KCNQ1: variants seen among roughly 807,000 people sequenced by gnomAD.
KCNQ1 encodes the protein potassium voltage-gated channel subfamily KQT member 1.
A neutral mutation model predicts 72.4 loss-of-function variants in KCNQ1; 49 were observed. The ratio of observed to expected loss-of-function variants is 0.68; its 90% CI spans 0.54 to 0.86. The LOEUF (loss-of-function observed/expected upper bound fraction) is 0.86. Among genes scored for constraint, KCNQ1 ranks in the 40% least tolerant of loss-of-function variants. The pLI is 0.00. For synonymous variants in KCNQ1, 450 were observed against 412.6 expected (o/e 1.09, Z -1.10); for missense variants, 790 against 945.1 (o/e 0.84, Z 2.15).
rs1383035176 is a variant in KCNQ1, at chr11:2,620,211, A to ATATTTT, written c.1393+31358_1393+31359insATTTTT. On this transcript the variant is annotated intron_variant, in intron 10 of 15. Transcript: ENST00000155840. The surrounding 1 kb of genome is among the most constrained non-coding windows in gnomAD (Gnocchi z 4.5). ...TAAGTTCATTCATGTATATATATAT[A>ATATTTT]TTTTTTTTTTTTATTTTTTTTTTAG... 899 of 261,968 alleles carry ATATTTT rather than the reference A, an allele frequency of 3.4e-3. 6 individuals are homozygous for ATATTTT. The highest frequency in any genetic ancestry group is 0.019 in the African/African-American group (728 of 38,098). The allele number at this position is 261,968 out of a possible 1,614,324, so 16.2% of individuals were successfully genotyped here.
At chr11:2,587,799 C>G (rs1424408797) in intron 9 of KCNQ1, 107 bp downstream of exon 9, 14 of 1,465,488 alleles carry the variant, frequency 9.6e-6, no homozygotes, top group Non-Finnish European at 1.3e-5. Flanking sequence ...TGGCTTGGTA[C>G]AGCCTGTGTC....
chr11:2,809,173 G>A lies in KCNQ1; in HGVS notation c.1794+31136G>A, dbSNP rs577228492. Among the ~76,000 whole-genome samples, 20 of 152,328 alleles carry A rather than the reference G, an allele frequency of 1.3e-4. No homozygotes were observed. The highest frequency in any genetic ancestry group is 4.6e-4 in the African/African-American group (19 of 41,570). On this transcript the variant is annotated intron_variant, in intron 15 of 15. Coordinates refer to ENST00000155840, the MANE Select transcript of KCNQ1 (RefSeq NM_000218.3). The surrounding 1 kb of genome is among the most constrained non-coding windows in gnomAD (Gnocchi z 7.1). ...ATAAATATGGAATCAAGGGATGCCT[G>A]CAGCTTTTGAATTGTTGATTTTTTT... is the stretch of plus-strand genomic sequence containing the variant.
rs952365555 is a variant in KCNQ1 at position 2,541,427 on chromosome 11, A to C, written c.477+13409A>C. 9.9e-5 allele frequency among the ~76,000 whole-genome samples: 15 copies of C among 152,080 alleles called. No homozygotes were observed. The highest frequency in any genetic ancestry group is 3.4e-4 in the African/African-American group (14 of 41,430). On this transcript the variant is annotated intron_variant, in intron 2 of 15. Transcript: ENST00000155840. This position sits in a 1 kb window ranked among gnomAD's most constrained non-coding sequence, Gnocchi z 4.8. ...TCTCTTCTCACTGACCGTTTTCTGA[A>C]ACTGGCTGGGGAGGGTCAGGGATGG...
rs988368021 is a variant in KCNQ1 at position 2,674,414 on chromosome 11, C to G, written c.1514+12333C>G. The G allele has an allele frequency of 2.5e-6, 1 of 397,496 alleles. No individual in the cohort carries two copies. The highest frequency in any genetic ancestry group is 4.4e-6 in the Non-Finnish European group (1 of 225,656). The allele number at this position is 397,496 out of a possible 1,614,324, so 24.6% of individuals were successfully genotyped here. A position where few individuals can be genotyped will look rare whatever the true frequency, so the allele number is the denominator to read the frequency against. On this transcript the variant is annotated intron_variant, in intron 11 of 15. Coordinates refer to ENST00000155840, the MANE Select transcript of KCNQ1 (RefSeq NM_000218.3). This position sits in a 1 kb window ranked among gnomAD's most constrained non-coding sequence, Gnocchi z 5.9. ...ATGCGTGCGTGTGTGTGTGCGCGCCCGCGCGCACACGACCACAGAGGCTGG... is the reference window on the plus strand; with the variant it reads ...ATGCGTGCGTGTGTGTGTGCGCGCCGGCGCGCACACGACCACAGAGGCTGG...
chr11:2,461,928 AGCTGTCT>A (rs1225215862), intron 1 of KCNQ1: 1 of 403,174 alleles, frequency 2.5e-6, no homozygotes, highest in African/African-American at 2.1e-5. Context: ...CACTGGGTGC[AGCTGTCT>A]GCTGTCTGCT....
At position 2,461,814 on chromosome 11, in the gene KCNQ1, A is replaced by G. The variant is rs71490516; in HGVS notation, c.386+16330A>G. 7.2e-3 allele frequency: 7,019 copies of G among 977,024 alleles called. 57 individuals are homozygous for G. The highest frequency in any genetic ancestry group is 0.019 in the South Asian group (1,327 of 71,260). The allele number at this position is 977,024 out of a possible 1,614,324, so 60.5% of individuals were successfully genotyped here. On this transcript the variant is annotated intron_variant, in intron 1 of 15. Transcript: ENST00000155840. ...TTATGGGTGGCGGGTAGATGGGTGGACAGCTGGATAGATGAAGTACTGGGT... is the reference window on the plus strand; with the variant it reads ...TTATGGGTGGCGGGTAGATGGGTGGGCAGCTGGATAGATGAAGTACTGGGT...
At position 2,762,725 on chromosome 11, in the gene KCNQ1, G is replaced by T. The variant is rs1474131233; in HGVS notation, c.1515-6119G>T. On this transcript the variant is annotated intron_variant, in intron 11 of 15. Transcript: ENST00000155840. This position sits in a 1 kb window ranked among gnomAD's most constrained non-coding sequence, Gnocchi z 4.3. ...CCTGTTGTGAATGCACATGTGAGGG[G>T]TCTAGGCTGTGTACTCCTTATGAGA... is the stretch of plus-strand genomic sequence containing the variant. 6.6e-6 allele frequency among the ~76,000 whole-genome samples: 1 copy of T among 152,238 alleles called. No individual in the cohort carries two copies. Among genetic ancestry groups the T allele is most frequent in the African/African-American group, 2.4e-5 (1 of 41,460 alleles).
At chr11:2,533,715 A>G (rs179437) in intron 2 of KCNQ1, among the ~76,000 whole-genome samples, 110,793 of 152,158 alleles carry the variant, frequency 0.73, 41,197 homozygotes, top group Admixed American at 0.82. Context: ...TTCTTGCCGA[A>G]GCCAGCTGCT....
At chr11:2,634,139 T>TTTC (rs1164623767) in intron 10 of KCNQ1, 8 of 397,764 alleles carry the variant, frequency 2.0e-5, no homozygotes, top group Non-Finnish European at 3.1e-5. Flanking sequence ...TTTGGTATTT[T>TTTC]TTTTTTTTTA....
chr11:2,646,316 A>C (rs1045851010), intron 10 of KCNQ1: 3 of 398,318 alleles, frequency 7.5e-6, no homozygotes, highest in Non-Finnish European at 1.3e-5. Flanking sequence ...TCATTTTAAC[A>C]TTTTTCTTTC....
intron 11 of KCNQ1, among the ~76,000 whole-genome samples, chr11:2,763,714 A>G (rs1407442414): frequency 6.6e-6 from 1 of 151,938 alleles, no homozygotes; most frequent in Non-Finnish European, 1.5e-5. Flanking sequence ...CACACCACCA[A>G]GCCTGGCTAT....
rs1427995608 is a variant in KCNQ1 at position 2,508,008 on chromosome 11, G to T, written c.387-19920G>T. Among the ~76,000 whole-genome samples, 1 of 152,034 alleles carries T rather than the reference G, an allele frequency of 6.6e-6. No homozygotes were observed. Among genetic ancestry groups the T allele is most frequent in the Non-Finnish European group, 1.5e-5 (1 of 67,996 alleles). ...CACGTATGTGGGAGTCTGGGTCCTG[G>T]TGGGTCCCAGCCCCGTACATGGAGG... On this transcript the variant is annotated intron_variant, in intron 1 of 15. Coordinates refer to ENST00000155840, the MANE Select transcript of KCNQ1 (RefSeq NM_000218.3). This position sits in a 1 kb window ranked among gnomAD's most constrained non-coding sequence, Gnocchi z 6.2.
At chr11:2,485,029 C>T (rs1003879273) in intron 1 of KCNQ1, among the ~76,000 whole-genome samples, 3 of 152,296 alleles carry the variant, frequency 2.0e-5, no homozygotes, top group East Asian at 1.9e-4. Flanking sequence ...CAGAGCCTGG[C>T]GCCTGTGCAT....
Position 2,645,806 on chromosome 11 carries a change from A to G in KCNQ1, c.1394-16155A>G. ...GATGCAGTCTGGTGGGGGTTGGGCT[A>G]TCAAAATGGGACTTTCCTGAAGTTG... On this transcript the variant is annotated intron_variant, in intron 10 of 15. Transcript: ENST00000155840. This position sits in a 1 kb window ranked among gnomAD's most constrained non-coding sequence, Gnocchi z 5.8. 1 of 398,754 alleles carries G rather than the reference A, an allele frequency of 2.5e-6. No homozygotes were observed. Among genetic ancestry groups the G allele is most frequent in the East Asian group, 3.6e-5 (1 of 28,074 alleles). 24.7% of individuals were successfully genotyped at this position (398,754 alleles called of 1,614,324 possible). A position where few individuals can be genotyped will look rare whatever the true frequency, so the allele number is the denominator to read the frequency against.
chr11:2,648,266 T>G, intron 10 of KCNQ1: 1 of 398,608 alleles, frequency 2.5e-6, no homozygotes, highest in Non-Finnish European at 4.4e-6. Context: ...TTATCTCTAT[T>G]TCATTTAGAT....
Position 2,537,741 on chromosome 11 carries a change from G to T in KCNQ1, c.477+9723G>T, listed in dbSNP as rs946759917. On this transcript the variant is annotated intron_variant, in intron 2 of 15. Transcript: ENST00000155840. This position sits in a 1 kb window ranked among gnomAD's most constrained non-coding sequence, Gnocchi z 5.2. ...TTTATTTTTATTTTTTTGAGAGAGA[G>T]AGGGTCTTGCTGTGTTGCCCAGGTT... is the stretch of plus-strand genomic sequence containing the variant. 6.6e-6 allele frequency among the ~76,000 whole-genome samples: 1 copy of T among 152,092 alleles called. No homozygotes were observed. The highest frequency in any genetic ancestry group is 2.4e-5 in the African/African-American group (1 of 41,410).
At chr11:2,631,192 C>T in intron 10 of KCNQ1, 1 of 398,526 alleles carries the variant, frequency 2.5e-6, no homozygotes, top group East Asian at 3.6e-5. Context: ...CTTTACCTCT[C>T]TACTTTCCTT....
intron 1 of KCNQ1, among the ~76,000 whole-genome samples, chr11:2,505,834 A>G (rs1847095174): frequency 6.6e-6 from 1 of 150,942 alleles, no homozygotes; most frequent in Non-Finnish European, 1.5e-5. Flanking sequence ...CTCTTTCTCC[A>G]CTCTTTCCAC....
At chr11:2,837,512 G>C (rs1339007586) in intron 15 of KCNQ1, among the ~76,000 whole-genome samples, 1 of 152,244 alleles carries the variant, frequency 6.6e-6, no homozygotes, top group African/African-American at 2.4e-5. Flanking sequence ...GGGTCTCCCA[G>C]CGAGCAAGAG....
Sources: allele counts gnomAD v4.1 joint callset (sites outside exome capture counted in the v4.1 genomes callset), GRCh38; gene constraint gnomAD v4.1.1; non-coding constraint Gnocchi (gnomAD v3.1); transcripts MANE v1.5; gene names NCBI Gene and HGNC (gene_info 2026-07-23, HGNC 2026-07-21).